The following TMOD4 variants were observed in gnomAD, a reference collection of about 807,000 sequenced individuals.
TMOD4 encodes tropomodulin-4.
TMOD4 carries 34 observed loss-of-function variants against 45.4 expected under a neutral mutation model. The ratio of observed to expected loss-of-function variants is 0.75; its 90% CI spans 0.57 to 1.00. TMOD4 has a LOEUF of 1.00. Among genes scored for constraint, TMOD4 ranks in the 50% least tolerant of loss-of-function variants. TMOD4 has a pLI of 0.00. For missense variants in TMOD4, 399 were observed against 437.5 expected (o/e 0.91, Z 0.78); for synonymous variants, 131 against 153.9 (o/e 0.85, Z 1.10).
intron 2 of TMOD4, 51 bp from the exon 3 acceptor site, chr1:151,174,598 A>G (rs1181022674): frequency 6.2e-7 from 1 of 1,605,712 alleles, no homozygotes; most frequent in South Asian, 1.1e-5. Context: ...TGACCTAGGT[A>G]CTGCTAGGGC....
intron 4 of TMOD4, 144 bp downstream of exon 4, chr1:151,173,355 C>T (rs2101714431): frequency 1.5e-6 from 1 of 666,196 alleles, no homozygotes; most frequent in East Asian, 2.5e-5. Context: ...AATATATAAA[C>T]AAACAAGAAA....
Position 151,170,334 on chromosome 1 carries a change from G to A in TMOD4, c.1015+185C>T, listed in dbSNP as rs1457468309. 10 of 906,846 alleles carry A rather than the reference G, an allele frequency of 1.1e-5. No homozygotes were observed. The East Asian group carries it at 2.2e-4, about 20-fold the overall frequency. 56.2% of individuals were successfully genotyped at this position (906,846 alleles called of 1,614,324 possible). A position where few individuals can be genotyped will look rare whatever the true frequency, so the allele number is the denominator to read the frequency against. Reference sequence around the variant, plus strand: ...CTGGCATCCTTTCTACCTCTCTACTGGTCCATATTTGGGGCAGGGGGAGTT... The same window carrying A: ...CTGGCATCCTTTCTACCTCTCTACTAGTCCATATTTGGGGCAGGGGGAGTT... On this transcript the variant is annotated intron_variant, in intron 9 of 9. Coordinates refer to ENST00000295314, the MANE Select transcript of TMOD4 (RefSeq NM_013353.3).
chr1:151,173,775 T>G (rs1393239911), intron 3 of TMOD4, among the ~76,000 whole-genome samples, 160 bp from the exon 4 acceptor site: 3 of 152,206 alleles, frequency 2.0e-5, no homozygotes, highest in African/African-American at 7.2e-5. Context: ...CCCCCTGATC[T>G]CTCAAGAACT....
chr1:151,173,462 CT>C (rs1478328640), intron 4 of TMOD4, 36 bp downstream of exon 4: 16 of 1,545,440 alleles, frequency 1.0e-5, no homozygotes, highest in South Asian at 2.2e-5. Context: ...CCACCTGCCC[CT>C]GATCCTCTCA....
At chr1:151,172,181 C>A (rs1206064965) in intron 5 of TMOD4, 87 bp downstream of exon 5, 74 of 1,102,822 alleles carry the variant, frequency 6.7e-5, no homozygotes, top group Non-Finnish European at 1.2e-5. Context: ...CTCCCAGAAT[C>A]ATCAATTTCA....
Position 151,174,384 on chromosome 1 carries a change from C to T in TMOD4, c.280+7G>A. On this transcript the variant is annotated splice_region_variant and intron_variant, in intron 3 of 9. Transcript: ENST00000295314. ...TCTACGAGGCATGGATGTCAGGGTC[C>T]CCATACCCTTCTTCTCGCCTGTGAA... 6.2e-7 allele frequency: 1 copy of T among 1,613,680 alleles called. No individual in the cohort carries two copies. The highest frequency in any genetic ancestry group is 8.5e-7 in the Non-Finnish European group (1 of 1,179,708).
Position 151,172,377 on chromosome 1 carries a change from G to A in TMOD4, c.398-20C>T. 1.1e-5 allele frequency: 18 copies of A among 1,587,466 alleles called. No homozygotes were observed. Among genetic ancestry groups the A allele is most frequent in the Non-Finnish European group, 1.6e-5 (18 of 1,156,188 alleles). On this transcript the variant is annotated intron_variant, in intron 4 of 9. Transcript: ENST00000295314. ...GAATTGCTGGAGAGGGTAAGAAGAG[G>A]AGTCACAGGGAATGAGAAGGAACCT...
chr1:151,172,181 C>T, intron 5 of TMOD4, 87 bp downstream of exon 5: 1 of 1,102,940 alleles, frequency 9.1e-7, no homozygotes, highest in South Asian at 1.3e-5. Flanking sequence ...CTCCCAGAAT[C>T]ATCAATTTCA....
chr1:151,173,386 C>T lies in TMOD4; in HGVS notation c.397+113G>A, dbSNP rs756877526. 40 of 743,128 alleles carry T rather than the reference C, an allele frequency of 5.4e-5. No individual in the cohort carries two copies. The East Asian group carries it at 6.2e-4, about 12-fold the overall frequency. The allele number at this position is 743,128 out of a possible 1,614,324, so 46.0% of individuals were successfully genotyped here. Reference sequence around the variant, plus strand: ...AGAAAAGCTTGAAACTACTGCTTGACGCTTTCTTAGACATCCACATTCTGG... The same window carrying T: ...AGAAAAGCTTGAAACTACTGCTTGATGCTTTCTTAGACATCCACATTCTGG... On this transcript the variant is annotated intron_variant, in intron 4 of 9. Transcript: ENST00000295314.
At chr1:151,171,973 C>G (rs1683974705) in intron 5 of TMOD4, among the ~76,000 whole-genome samples, 1 of 151,726 alleles carries the variant, frequency 6.6e-6, no homozygotes. Flanking sequence ...AGTATAATAT[C>G]TGGGATTACA....
rs754591355 is a variant in TMOD4, at chr1:151,171,756, T to A, written c.495A>T (p.Val165=). The A allele has an allele frequency of 6.2e-7, 1 of 1,613,966 alleles. No individual in the cohort carries two copies. Among genetic ancestry groups the A allele is most frequent in the South Asian group, 1.1e-5 (1 of 91,070 alleles). ...ICNTEGISSV[V]QPDKYKPVPD... ...GCACTGGCTTATACTTGTCAGGCTG[T>A]ACCACACCTGGTGAATGAGGGCAGG... Residue 165 remains valine, a synonymous_variant, in exon 6 of 10, where the codon GTA becomes GTT. Coordinates refer to ENST00000295314, the MANE Select transcript of TMOD4 (RefSeq NM_013353.3).
chr1:151,171,051 T>C lies in TMOD4; in HGVS notation c.739A>G (p.Met247Val), dbSNP rs138203498. The C allele has an allele frequency of 3.1e-6, 5 of 1,613,974 alleles. No individual in the cohort carries two copies. The African/African-American group carries it at 6.7e-5, about 22-fold the overall frequency. Residue 247 changes from methionine (M) to valine (V), a missense_variant, in exon 8 of 10, where the codon ATG becomes GTG. By Grantham distance (21) the Met-to-Val change is conservative. Transcript: ENST00000295314. ...GDPIANAVAD[M>V]LRENRSLQSL... ...TGGAGGCTACGATTCTCACGCAACATGTCAGCCACTGCCTGGGTAGTAGGG... is the reference window on the plus strand; with the variant it reads ...TGGAGGCTACGATTCTCACGCAACACGTCAGCCACTGCCTGGGTAGTAGGG...
rs1558208215 is a variant in TMOD4, at chr1:151,170,596, A to T, written c.938T>A (p.Val313Asp). 6.2e-7 allele frequency: 1 copy of T among 1,614,136 alleles called. No homozygotes were observed. The highest frequency in any genetic ancestry group is 8.5e-7 in the Non-Finnish European group (1 of 1,180,018). The change falls in exon 9 of 10, where the codon GTC becomes GAC. Residue 313 changes from valine to aspartate, a missense_variant. Val to Asp is a radical substitution (Grantham distance 152). Coordinates refer to ENST00000295314, the MANE Select transcript of TMOD4 (RefSeq NM_013353.3). Reference protein sequence around the residue: ...ATVLEQCPSIVRFGYHFTQQG... With the variant: ...ATVLEQCPSIDRFGYHFTQQG... ...CTGTGTAAAGTGGTAGCCAAAGCGG[A>T]CAATAGAGGGACACTGCTCTAGCAC...
In TMOD4 at chr1:151,171,425, A is replaced by G. The variant is rs753884241; in HGVS notation, c.726+8T>C. On this transcript the variant is annotated splice_region_variant and intron_variant, in intron 7 of 9. Transcript: ENST00000295314. ...GGGGAGAGGGCTGGGGATGTCAACTAGCCTTACATTGGCAATGGGGTCACC... is the reference window on the plus strand; with the variant it reads ...GGGGAGAGGGCTGGGGATGTCAACTGGCCTTACATTGGCAATGGGGTCACC... The G allele has an allele frequency of 4.3e-6, 7 of 1,612,008 alleles. No individual in the cohort carries two copies. The highest frequency in any genetic ancestry group is 2.5e-6 in the Non-Finnish European group (3 of 1,178,196).
Position 151,173,558 on chromosome 1 carries a change from T to C in TMOD4, c.338A>G (p.Glu113Gly). Residue 113 changes from glutamate (E) to glycine (G), a missense_variant, in exon 4 of 10, where the codon GAG becomes GGG. Physicochemically the swap from Glu to Gly is moderately conservative, Grantham distance 98 (BLOSUM62 -2). Transcript: ENST00000295314. ...EIPAEEQITL[E>G]PELEEALAHA... is the part of the protein sequence containing the mutation. ...TGCCAGTGCCTCCTCCAGCTCAGGC[T>C]CCAGGGTGATCTGCTCCTCTGCTGG... 1 of 1,614,198 alleles carries C rather than the reference T, an allele frequency of 6.2e-7. No individual in the cohort carries two copies. The highest frequency in any genetic ancestry group is 8.5e-7 in the Non-Finnish European group (1 of 1,180,030).
At chr1:151,170,457 G>T in intron 9 of TMOD4, 62 bp downstream of exon 9, 1 of 1,602,612 alleles carries the variant, frequency 6.2e-7, no homozygotes. Flanking sequence ...CTGCTTTCAG[G>T]AGGATCCACC....
rs1217351894 is a variant in TMOD4 at position 151,170,087 on chromosome 1, C to G, written c.1032G>C (p.Lys344Asn). The change falls in exon 10 of 10, where the codon AAG becomes AAC. Residue 344 changes from lysine to asparagine, a missense_variant. Coordinates refer to ENST00000295314, the MANE Select transcript of TMOD4 (RefSeq NM_013353.3). The stretch of plus-strand genomic sequence containing the variant: ...GGTAAAGGGAAATGCAGTGTTATCT[C>G]TTCTTTTGCTGGCGACCTGTAAAGG... ...RNNELRRQQK[K>N]R 3.1e-6 allele frequency: 5 copies of G among 1,614,072 alleles called. No individual in the cohort carries two copies. The highest frequency in any genetic ancestry group is 4.2e-6 in the Non-Finnish European group (5 of 1,180,034).
chr1:151,173,464 G>A (rs776738841), intron 4 of TMOD4, 35 bp downstream of exon 4: 1 of 1,549,130 alleles, frequency 6.5e-7, no homozygotes, highest in East Asian at 2.2e-5. Context: ...ACCTGCCCCT[G>A]ATCCTCTCAC....
Position 151,174,442 on chromosome 1 carries a change from G to C in TMOD4, c.229C>G (p.Leu77Val). Residue 77 changes from leucine (L) to valine (V), a missense_variant, in exon 3 of 10, where the codon CTA (leucine) becomes GTA (valine). Transcript: ENST00000295314. ...AAGTCATCACGCTCTTTGACTTCTA[G>C]TGCCTGTTGCTCCAAGTACTGCAAA... ...ALLQYLEQQA[L>V]EVKERDDLVP... 1.2e-6 allele frequency: 2 copies of C among 1,614,164 alleles called. No homozygotes were observed. The highest frequency in any genetic ancestry group is 2.2e-5 in the South Asian group (2 of 91,082).
Sources: gnomAD v4.1 joint callset for allele counts (sites outside exome capture counted in the v4.1 genomes callset) on GRCh38, gnomAD v4.1.1 for gene constraint, MANE v1.5 for transcripts, NCBI Gene and HGNC (gene_info 2026-07-23, HGNC 2026-07-21) for gene names.